USP7: variants seen among roughly 807,000 people sequenced by gnomAD.
USP7 encodes the protein ubiquitin C-terminal hydrolase 7.
USP7 carries 9 observed loss-of-function variants against 162.9 expected under a neutral mutation model. That is an observed-to-expected ratio of 0.06 (90% CI 0.03 to 0.10). The LOEUF is 0.10. USP7 is among the 10% of genes least tolerant of loss of function. The pLI is 1.00. For synonymous variants in USP7, 562 were observed against 475.9 expected (o/e 1.18, Z -2.35); for missense variants, 715 against 1,373.7 (o/e 0.52, Z 7.58).
At chr16:8,955,535 G>C (rs1343802846) in intron 1 of USP7, among the ~76,000 whole-genome samples, 1 of 151,914 alleles carries the variant, frequency 6.6e-6, no homozygotes, top group Non-Finnish European at 1.5e-5. Flanking sequence ...TGGGGAAACC[G>C]TCTCTACTAA....
chr16:8,916,729 A>G (rs1897390488), intron 7 of USP7, among the ~76,000 whole-genome samples, 173 bp from the exon 8 acceptor site: 1 of 152,234 alleles, frequency 6.6e-6, no homozygotes, highest in South Asian at 2.1e-4. Flanking sequence ...CTGCTGGGGA[A>G]GTGGTGTTTC....
intron 2 of USP7, chr16:8,929,627 G>A (rs1298664853): frequency 2.2e-6 from 1 of 455,634 alleles, no homozygotes; most frequent in South Asian, 1.5e-5. Context: ...AGACTCCAGG[G>A]GCTGCATACT....
At chr16:8,941,748 G>C (rs181735167) in intron 1 of USP7, among the ~76,000 whole-genome samples, 5 of 152,274 alleles carry the variant, frequency 3.3e-5, no homozygotes, top group Admixed American at 3.3e-4. Context: ...GTGCTGTGAA[G>C]TCAGGCCTGC....
At chr16:8,910,123 A>G (rs1271947248) in intron 11 of USP7, among the ~76,000 whole-genome samples, 1 of 152,154 alleles carries the variant, frequency 6.6e-6, no homozygotes, top group Admixed American at 6.5e-5. Context: ...CAATGAGTCA[A>G]GGTTATAAGA....
chr16:8,963,108 T>A lies in USP7; in HGVS notation c.79+99A>T, dbSNP rs1900087821. ...CGAGGCCCGGCGGCCGCCCGGGGCC[T>A]GGTTAAAGATGGCGAGCCCCTCGCG... On this transcript the variant is annotated intron_variant, in intron 1 of 30. Transcript: ENST00000344836. The A allele has an allele frequency of 3.5e-5, 38 of 1,099,228 alleles. 1 individual carries two copies. In the South Asian group the frequency reaches 8.7e-4, roughly 25 times the overall value. The allele number at this position is 1,099,228 out of a possible 1,614,324, so 68.1% of individuals were successfully genotyped here. A position where few individuals can be genotyped will look rare whatever the true frequency, so the allele number is the denominator to read the frequency against.
chr16:8,903,300 C>G lies in USP7; in HGVS notation c.1807G>C (p.Ala603Pro), dbSNP rs199609011. The G allele has an allele frequency of 1.2e-6, 2 of 1,613,954 alleles. No homozygotes were observed. Among genetic ancestry groups the G allele is most frequent in the East Asian group, 2.2e-5 (1 of 44,872 alleles). The change falls in exon 16 of 31, where the codon GCT becomes CCT. Residue 603 changes from alanine (A) to proline (P), a missense_variant. Coordinates refer to ENST00000344836, the MANE Select transcript of USP7 (RefSeq NM_003470.3). ...TGAGAGAGGCTCTGAACAAACTCAG[C>G]AAGCGAGGAGTTCTTCAATACTTTG... ...VFKVLKNSSLAEFVQSLSQTM... is the reference protein window; with the variant it reads ...VFKVLKNSSLPEFVQSLSQTM...
At chr16:8,923,936 A>AT (rs1267245590) in intron 2 of USP7, among the ~76,000 whole-genome samples, 2 of 152,232 alleles carry the variant, frequency 1.3e-5, no homozygotes, top group Admixed American at 1.3e-4. Flanking sequence ...CAGTAGCCTG[A>AT]TAATAAATGC....
At position 8,915,108 on chromosome 16, in the gene USP7, G is replaced by A. The variant is rs993031483; in HGVS notation, c.1078+146C>T. On this transcript the variant is annotated intron_variant, in intron 10 of 30. Transcript: ENST00000344836. ...AGAGCTGGGTGGAGGTAACAAGCCT[G>A]TGTTCACCCAGTGAGCTGTTTGCTT... is the stretch of plus-strand genomic sequence containing the variant. 6 of 750,440 alleles carry A rather than the reference G, an allele frequency of 8.0e-6. No individual in the cohort carries two copies. The African/African-American group carries it at 1.1e-4, about 13-fold the overall frequency. The allele number at this position is 750,440 out of a possible 1,614,324, so 46.5% of individuals were successfully genotyped here.
intron 11 of USP7, among the ~76,000 whole-genome samples, chr16:8,909,505 C>T (rs1005399397): frequency 3.9e-5 from 6 of 152,198 alleles, no homozygotes; most frequent in African/African-American, 1.4e-4. Context: ...ATTCTGTCTC[C>T]ACCGCTGTCC....
intron 18 of USP7, among the ~76,000 whole-genome samples, chr16:8,901,462 C>T (rs541846008): frequency 5.9e-5 from 9 of 152,226 alleles, no homozygotes; most frequent in Admixed American, 5.9e-4. Context: ...CCATGGAAAC[C>T]CACTACATTT....
At chr16:8,900,059 G>C (rs762705416) in intron 21 of USP7, 8 of 456,856 alleles carry the variant, frequency 1.8e-5, no homozygotes, top group Non-Finnish European at 2.7e-5. Flanking sequence ...CAGACGCAGT[G>C]TCTTGCCCAC....
intron 25 of USP7, among the ~76,000 whole-genome samples, chr16:8,898,072 G>A (rs1394240361): frequency 1.3e-5 from 2 of 152,074 alleles, no homozygotes; most frequent in Admixed American, 6.5e-5. Context: ...GCTGGAGAAG[G>A]ATCCTCCTCC....
intron 10 of USP7, among the ~76,000 whole-genome samples, chr16:8,912,322 G>T (rs1009315837): frequency 5.9e-5 from 9 of 151,774 alleles, no homozygotes; most frequent in African/African-American, 2.2e-4. Flanking sequence ...TGTGGTGGTG[G>T]GCACCTGTAA....
In USP7 at chr16:8,895,109, C is replaced by T; in HGVS notation, c.2961G>A (p.Glu987=). Residue 987 remains glutamate, a synonymous_variant, in exon 28 of 31, where the codon GAG becomes GAA. Transcript: ENST00000344836. ...LDQVDIDKEN[E]MLVTVAHFHK... ...GGAAATGCGCCACTGTGACAAGCAT[C>T]TCATTCTCTTTGTCTATGTCCACCT... is the stretch of plus-strand genomic sequence containing the variant. 1 of 1,614,266 alleles carries T rather than the reference C, an allele frequency of 6.2e-7. No individual in the cohort carries two copies. Among genetic ancestry groups the T allele is most frequent in the Non-Finnish European group, 8.5e-7 (1 of 1,180,052 alleles).
At chr16:8,952,951 C>T (rs928279778) in intron 1 of USP7, among the ~76,000 whole-genome samples, 2 of 152,150 alleles carry the variant, frequency 1.3e-5, no homozygotes, top group African/African-American at 4.8e-5. Context: ...ATTCTCCTGC[C>T]TCGGCCTCCC....
chr16:8,943,072 G>A (rs966251809), intron 1 of USP7, among the ~76,000 whole-genome samples: 1 of 152,100 alleles, frequency 6.6e-6, no homozygotes, highest in African/African-American at 2.4e-5. Flanking sequence ...TCTATATGCT[G>A]AAATAATCCT....
intron 15 of USP7, among the ~76,000 whole-genome samples, chr16:8,903,777 G>C (rs767887299): frequency 5.3e-5 from 8 of 150,998 alleles, no homozygotes; most frequent in Admixed American, 2.0e-4. Flanking sequence ...TGAGGCAGGA[G>C]AATCACTTGA....
rs368588641 is a variant in USP7, at chr16:8,950,791, C to G, written c.79+12416G>C. Among the ~76,000 whole-genome samples the G allele has an allele frequency of 3.3e-5, 5 of 152,220 alleles. No individual in the cohort carries two copies. The East Asian group carries it at 7.7e-4, about 23-fold the overall frequency. The stretch of plus-strand genomic sequence containing the variant: ...CACCTGGCTTACATGCATGTCTTCC[C>G]CAGGCACTGACCAGCGCACGACAGT... On this transcript the variant is annotated intron_variant, in intron 1 of 30. Transcript: ENST00000344836.
intron 1 of USP7, chr16:8,962,494 T>G (rs531636503): frequency 3.5e-5 from 16 of 452,066 alleles, no homozygotes; most frequent in African/African-American, 3.2e-4. Flanking sequence ...TCAGGTTTGA[T>G]TCTGATGCAG....
Sources: allele counts gnomAD v4.1 joint callset (sites outside exome capture counted in the v4.1 genomes callset), GRCh38; gene constraint gnomAD v4.1.1; transcripts MANE v1.5; gene names NCBI Gene and HGNC (gene_info 2026-07-23, HGNC 2026-07-21).